PLXDC2: variants seen among roughly 807,000 people sequenced by gnomAD.
PLXDC2 encodes the protein plexin domain-containing protein 2.
PLXDC2 carries 40 observed loss-of-function variants against 68.9 expected under a neutral mutation model. The ratio of observed to expected loss-of-function variants is 0.58; its 90% CI spans 0.45 to 0.76. The LOEUF is 0.76. Ranked by LOEUF, PLXDC2 falls within the 30% of genes least tolerant of loss-of-function variation. The pLI is 0.00. For missense variants in PLXDC2, 644 were observed against 661.9 expected (o/e 0.97, Z 0.30); for synonymous variants, 243 against 234.2 (o/e 1.04, Z -0.34).
At chr10:19,979,651 C>T (rs935768191) in intron 1 of PLXDC2, among the ~76,000 whole-genome samples, 3 of 152,160 alleles carry the variant, frequency 2.0e-5, no homozygotes, top group South Asian at 2.1e-4. Flanking sequence ...GGATTACAGG[C>T]GTGAGCTCCC....
intron 9 of PLXDC2, among the ~76,000 whole-genome samples, chr10:20,192,743 G>C (rs1055253008): frequency 2.6e-5 from 4 of 151,794 alleles, no homozygotes; most frequent in Non-Finnish European, 4.4e-5. Context: ...AGAAAAAATG[G>C]GCTGAAAATA....
intron 3 of PLXDC2, among the ~76,000 whole-genome samples, chr10:20,061,275 T>G (rs1836098333): frequency 6.6e-6 from 1 of 152,256 alleles, no homozygotes; most frequent in African/African-American, 2.4e-5. Flanking sequence ...TCCTTCAATC[T>G]GTAAGAATTC....
chr10:20,177,441 A>G lies in PLXDC2; in HGVS notation c.1061+32A>G, dbSNP rs781187184. ...ATATAATAATAAGAATAATAATAAAATTTAAAAAGATATTTTAAAAGATTA... is the reference window on the plus strand; with the variant it reads ...ATATAATAATAAGAATAATAATAAAGTTTAAAAAGATATTTTAAAAGATTA... On this transcript the variant is annotated intron_variant, in intron 9 of 13. Transcript: ENST00000377252. The G allele has an allele frequency of 5.6e-6, 6 of 1,078,330 alleles. 1 individual carries two copies. The highest frequency in any genetic ancestry group is 6.3e-5 in the Admixed American group (2 of 31,768). The allele number at this position is 1,078,330 out of a possible 1,614,324, so 66.8% of individuals were successfully genotyped here.
intron 2 of PLXDC2, among the ~76,000 whole-genome samples, chr10:20,041,781 T>A (rs1228750777): frequency 6.6e-6 from 1 of 152,152 alleles, no homozygotes; most frequent in African/African-American, 2.4e-5. Context: ...CTGTTTGGGT[T>A]CTTAGTGAGG....
chr10:19,951,733 G>A (rs1222704889), intron 1 of PLXDC2, among the ~76,000 whole-genome samples: 1 of 152,200 alleles, frequency 6.6e-6, no homozygotes, highest in African/African-American at 2.4e-5. Context: ...TAGCAAAGAT[G>A]TGGAATCAAT....
intron 1 of PLXDC2, among the ~76,000 whole-genome samples, chr10:19,961,429 C>G (rs1028202056): frequency 6.6e-6 from 1 of 152,196 alleles, no homozygotes; most frequent in Admixed American, 6.5e-5. Flanking sequence ...GTTTCTGACA[C>G]AAGTGTCACA....
intron 2 of PLXDC2, among the ~76,000 whole-genome samples, chr10:20,044,844 G>A (rs1237151298): frequency 6.6e-6 from 1 of 152,148 alleles, no homozygotes; most frequent in Admixed American, 6.5e-5. Context: ...TGAGCAAAAT[G>A]GCTTGTGCCC....
At chr10:20,044,181 C>T (rs1268023818) in intron 2 of PLXDC2, among the ~76,000 whole-genome samples, 1 of 115,970 alleles carries the variant, frequency 8.6e-6, no homozygotes, top group African/African-American at 3.8e-5. Context: ...TTCTTTCCTT[C>T]TTTCTTTCTT....
intron 1 of PLXDC2, among the ~76,000 whole-genome samples, chr10:19,820,133 A>T (rs1836436118): frequency 6.6e-6 from 1 of 152,164 alleles, no homozygotes; most frequent in Non-Finnish European, 1.5e-5. Flanking sequence ...ATCAAAGGTA[A>T]TTTTTGTTGT....
intron 9 of PLXDC2, among the ~76,000 whole-genome samples, chr10:20,198,514 G>T (rs553499946): frequency 1.8e-4 from 27 of 152,194 alleles, no homozygotes; most frequent in Admixed American, 4.6e-4. Flanking sequence ...TCTCACAAGA[G>T]AAATGTCTTC....
rs114261399 is a variant in PLXDC2 at position 19,896,080 on chromosome 10, A to G, written c.112+78889A>G. On this transcript the variant is annotated intron_variant, in intron 1 of 13. Coordinates refer to ENST00000377252, the MANE Select transcript of PLXDC2 (RefSeq NM_032812.9). ...ACTCCAGGCTTTCAGTTCAAAAGGT[A>G]TCCAACTCCTCTTCTCTTGATCTGC... is the stretch of plus-strand genomic sequence containing the variant. Among the ~76,000 whole-genome samples the G allele has an allele frequency of 2.5e-3, 385 of 152,274 alleles. 1 individual carries two copies. The highest frequency in any genetic ancestry group is 8.7e-3 in the African/African-American group (363 of 41,564).
chr10:19,974,349 G>A (rs144591781), intron 1 of PLXDC2, among the ~76,000 whole-genome samples: 1,707 of 152,354 alleles, frequency 0.011, 38 homozygotes, highest in African/African-American at 0.038. Context: ...ACCAGCTGGT[G>A]GTTTCTGTGG....
At chr10:19,860,488 A>G (rs773760055) in intron 1 of PLXDC2, among the ~76,000 whole-genome samples, 12 of 152,190 alleles carry the variant, frequency 7.9e-5, no homozygotes, top group Non-Finnish European at 1.6e-4. Flanking sequence ...TAAGTGTGCA[A>G]TGTTCTGGCT....
chr10:20,205,950 T>C (rs1834985193), intron 9 of PLXDC2, among the ~76,000 whole-genome samples: 1 of 151,838 alleles, frequency 6.6e-6, no homozygotes, highest in Admixed American at 6.6e-5. Context: ...TACCTATCTA[T>C]TATATATTGC....
At chr10:20,231,833 T>G (rs1450901204) in intron 12 of PLXDC2, among the ~76,000 whole-genome samples, 2 of 151,832 alleles carry the variant, frequency 1.3e-5, no homozygotes, top group Non-Finnish European at 2.9e-5. Flanking sequence ...CTGGCTAACA[T>G]AGCGAGACTC....
chr10:20,186,482 G>A (rs1834684585), intron 9 of PLXDC2, among the ~76,000 whole-genome samples: 1 of 151,798 alleles, frequency 6.6e-6, no homozygotes, highest in South Asian at 2.1e-4. Flanking sequence ...TCACGTCATG[G>A]GGGTTTGATA....
intron 1 of PLXDC2, among the ~76,000 whole-genome samples, chr10:19,992,274 CA>C (rs1834763053): frequency 6.6e-6 from 1 of 152,190 alleles, no homozygotes; most frequent in Admixed American, 6.5e-5. Flanking sequence ...TGCACCCTAT[CA>C]TTTCACCAAT....
chr10:20,141,067 C>T (rs1834001098), intron 4 of PLXDC2, among the ~76,000 whole-genome samples: 1 of 152,026 alleles, frequency 6.6e-6, no homozygotes, highest in South Asian at 2.1e-4. Context: ...ATGGCTTTTA[C>T]ATGTTAACAA....
intron 2 of PLXDC2, among the ~76,000 whole-genome samples, chr10:20,003,482 G>A (rs1179386196): frequency 6.6e-6 from 1 of 152,134 alleles, no homozygotes. Flanking sequence ...ATCCAGGCTG[G>A]AGTGCAGTGG....
Sources: allele counts gnomAD v4.1 joint callset (sites outside exome capture counted in the v4.1 genomes callset), GRCh38; gene constraint gnomAD v4.1.1; transcripts MANE v1.5; gene names NCBI Gene and HGNC (gene_info 2026-07-23, HGNC 2026-07-21).